NBPF12: variants seen among roughly 807,000 people sequenced by gnomAD.
The protein encoded by NBPF12 is NBPF member 12, also known as NBPF family member NBPF12.
Under a neutral mutation model 146.4 loss-of-function variants are expected in NBPF12, and 115 were observed. That is an observed-to-expected ratio of 0.79 (90% CI 0.68 to 0.92). NBPF12 has a LOEUF of 0.92. NBPF12 is among the 40% of genes least tolerant of loss of function. The probability of loss-of-function intolerance (pLI) is 0.00; values close to 1 mark genes in which losing one functional copy is unlikely to be tolerated. For synonymous variants in NBPF12, 385 were observed against 508.9 expected, an observed-to-expected ratio of 0.76 and a Z score of 3.28; for missense variants, 1,205 against 1,326.8, an observed-to-expected ratio of 0.91 and a Z score of 1.43.
chr1:146,994,347 G>T (rs782188621), exon 34 of NBPF12: 4 of 1,611,672 alleles, frequency 2.5e-6, no homozygotes, highest in East Asian at 2.2e-5. Flanking sequence ...ACAGCGTGCT[G>T]ATGGAAGTGG....
intron 25 of NBPF12, among the ~76,000 whole-genome samples, 195 bp from the exon 29 acceptor site, chr1:146,987,759 G>A (rs878945949): frequency 2.0e-5 from 3 of 151,402 alleles, no homozygotes; most frequent in South Asian, 2.1e-4. Context: ...GTGTGTGTGT[G>A]TCTGTCTTTC....
chr1:146,948,857 G>T (rs1345263584), upstream of NBPF12, among the ~76,000 whole-genome samples: 4 of 151,476 alleles, frequency 2.6e-5, no homozygotes, highest in African/African-American at 9.8e-5. Flanking sequence ...AAGCCCGATT[G>T]TATATTCCAT....
intron 4 of NBPF12, among the ~76,000 whole-genome samples, chr1:146,961,242 C>G (rs1214082005): frequency 4.0e-5 from 6 of 151,822 alleles, no homozygotes; most frequent in African/African-American, 1.2e-4. Flanking sequence ...TGCACAGGCT[C>G]TTGTTCCTAA....
chr1:146,954,943 T>G (rs1158672707), intron 2 of NBPF12, among the ~76,000 whole-genome samples: 9 of 118,200 alleles, frequency 7.6e-5, no homozygotes, highest in Admixed American at 3.0e-4. Flanking sequence ...ATTCACCGTT[T>G]TGAAGATTAT....
chr1:146,955,013 T>TATATATACAC (rs1411814328), intron 2 of NBPF12, among the ~76,000 whole-genome samples: 3 of 67,502 alleles, frequency 4.4e-5, no homozygotes. Flanking sequence ...TATATATATA[T>TATATATACAC]ACACACACAC....
chr1:146,965,950 A>C lies in NBPF12; in HGVS notation c.779-514A>C, dbSNP rs1656175565. Among the ~76,000 whole-genome samples the C allele has an allele frequency of 4.0e-5, 6 of 151,652 alleles. No homozygotes were observed. The South Asian group carries it at 1.2e-3, about 32-fold the overall frequency. On this transcript the variant is annotated intron_variant, in intron 8 of 33. Transcript: ENST00000617844. The stretch of plus-strand genomic sequence containing the variant: ...TGGCGAAACCCCATCTCTACTAAAA[A>C]TACAAAAATTAGCTGTCATGTTACT...
intron 13 of NBPF12, among the ~76,000 whole-genome samples, 198 bp from the exon 17 acceptor site, chr1:146,972,553 C>G (rs1343500726): frequency 6.6e-6 from 1 of 151,494 alleles, no homozygotes; most frequent in Admixed American, 6.6e-5. Context: ...GTGTTTATGT[C>G]CTGGTTTCAA....
At chr1:146,995,477 A>G (rs1658486736) in exon 34 of NBPF12, 1 of 103,488 alleles carries the variant, frequency 9.7e-6, no homozygotes, top group African/African-American at 3.4e-5. Context: ...AAAAGTAAAA[A>G]GATAATGTAG....
At chr1:146,963,398 G>A in intron 6 of NBPF12, 89 bp downstream of exon 9, 14 of 1,603,126 alleles carry the variant, frequency 8.7e-6, no homozygotes, top group Non-Finnish European at 7.7e-6. Flanking sequence ...AGTTGTATCA[G>A]TGGGGTTTTT....
chr1:146,964,814 C>A, intron 7 of NBPF12, 79 bp from the exon 11 acceptor site: 2 of 1,598,042 alleles, frequency 1.3e-6, no homozygotes, highest in South Asian at 1.1e-5. Flanking sequence ...TGCCGCCTGT[C>A]AAAACCAGCT....
chr1:146,973,385 T>TAA, intron 14 of NBPF12, among the ~76,000 whole-genome samples: 1 of 151,766 alleles, frequency 6.6e-6, no homozygotes, highest in Non-Finnish European at 1.5e-5. Context: ...AGCTCTGTTC[T>TAA]AGTGACTCTG....
At chr1:146,962,114 GCA>G in intron 4 of NBPF12, 45 bp from the exon 8 acceptor site, 1 of 1,591,532 alleles carries the variant, frequency 6.3e-7, no homozygotes. Flanking sequence ...GACCACAGCA[GCA>G]TGTCCAGCCT....
At chr1:146,965,057 G>T in exon 8 of NBPF12, 1 of 1,607,686 alleles carries the variant, frequency 6.2e-7, no homozygotes, top group Admixed American at 1.7e-5. Context: ...GTTGTAGACA[G>T]AAAATCCTCT....
At chr1:146,973,897 A>G (rs1656819868) in intron 14 of NBPF12, among the ~76,000 whole-genome samples, 1 of 150,408 alleles carries the variant, frequency 6.6e-6, no homozygotes, top group Admixed American at 6.6e-5. Flanking sequence ...AGGAAGAAAG[A>G]TCGCACCCGA....
In NBPF12 at chr1:146,941,797, A is replaced by T. The variant is rs1365343534; in HGVS notation, c.-821-1494A>T. 2.2e-3 allele frequency among the ~76,000 whole-genome samples: 318 copies of T among 145,748 alleles called. 5 individuals carry two copies. The Middle Eastern group carries it at 0.038, about 18-fold the overall frequency. On this transcript the variant is annotated intron_variant, in intron 1 of 35. Transcript: ENST00000617931. ...AAAAAAAGAAAGAAAAAAGAAATCAATGCCTAGCCTAAGAATATGAACACA... is the reference window on the plus strand; with the variant it reads ...AAAAAAAGAAAGAAAAAAGAAATCATTGCCTAGCCTAAGAATATGAACACA...
exon 9 of NBPF12, chr1:146,966,666 C>T: frequency 7.3e-7 from 1 of 1,363,454 alleles, no homozygotes; most frequent in Non-Finnish European, 1.0e-6. Context: ...AGCAGCAGAA[C>T]AAATACAGTA....
intron 2 of NBPF12, among the ~76,000 whole-genome samples, chr1:146,954,389 CAAAAAA>C (rs1170420550): frequency 5.2e-3 from 124 of 24,016 alleles, no homozygotes; most frequent in Middle Eastern, 0.062. Flanking sequence ...GACTCTGTCT[CAAAAAA>C]AAAAAAAAAA....
Position 146,974,141 on chromosome 1 carries a change from G to A in NBPF12, c.1802-598G>A, listed in dbSNP as rs1328873808. Among the ~76,000 whole-genome samples the A allele has an allele frequency of 8.7e-5, 13 of 150,032 alleles. 1 individual carries two copies. Among genetic ancestry groups the A allele is most frequent in the African/African-American group, 2.8e-4 (11 of 39,728 alleles). On this transcript the variant is annotated intron_variant, in intron 14 of 33. Transcript: ENST00000617844. ...ACACTATCTATTAGTTCTTCATTCT[G>A]CTGTTTCTAAATTAACAGAAACTTC...
intron 9 of NBPF12, among the ~76,000 whole-genome samples, chr1:146,967,461 A>G (rs1302033918): frequency 0.23 from 32,603 of 143,416 alleles, 4,268 homozygotes; most frequent in South Asian, 0.42. Context: ...AGATTTTGCC[A>G]TTGCACTCCA....
Sources: allele counts gnomAD v4.1 joint callset (sites outside exome capture counted in the v4.1 genomes callset), GRCh38; gene constraint gnomAD v4.1.1; transcripts MANE v1.5; gene names NCBI Gene and HGNC (gene_info 2026-07-23, HGNC 2026-07-21).